Variants in TBC1D14 observed in about 807,000 individuals in gnomAD.
TBC1D14 encodes TBC1 domain family, member 14.
A neutral mutation model predicts 79.0 loss-of-function variants in TBC1D14; 26 were observed. The ratio of observed to expected loss-of-function variants is 0.33; its 90% confidence interval spans 0.24 to 0.46. The LOEUF (loss-of-function observed/expected upper bound fraction) is 0.46. Ranked by LOEUF, TBC1D14 falls within the 20% of genes least tolerant of loss-of-function variation. TBC1D14 has a pLI of 1.00. For missense variants in TBC1D14, 769 were observed against 887.6 expected (o/e 0.87, Z 1.70); for synonymous variants, 394 against 349.9 (o/e 1.13, Z -1.40).
At chr4:7,026,657 G>T (rs1423212153) in intron 13 of TBC1D14, among the ~76,000 whole-genome samples, 1 of 152,172 alleles carries the variant, frequency 6.6e-6, no homozygotes, top group African/African-American at 2.4e-5. Context: ...AGCACTTTGG[G>T]AGGCCAAGGT....
At position 7,030,745 on chromosome 4, in the gene TBC1D14, A is replaced by C. The variant is rs1327978177; in HGVS notation, c.*353A>C. 5.4e-6 allele frequency: 1 copy of C among 186,478 alleles called. No homozygotes were observed. Among genetic ancestry groups the C allele is most frequent in the African/African-American group, 2.3e-5 (1 of 43,186 alleles). The allele number at this position is 186,478 out of a possible 1,614,324, so 11.6% of individuals were successfully genotyped here. ...CTACTGGGAAGTATGTTACAGTCTT[A>C]GCCAGGATGCATGAGAGATGTTATT... is the stretch of plus-strand genomic sequence containing the variant. On this transcript the variant is annotated 3_prime_UTR_variant, in exon 14 of 14. Transcript: ENST00000409757.
At chr4:6,947,325 G>A (rs986641471) in intron 2 of TBC1D14, among the ~76,000 whole-genome samples, 1 of 152,080 alleles carries the variant, frequency 6.6e-6, no homozygotes, top group African/African-American at 2.4e-5. Context: ...GTGAAACCCC[G>A]TCTCCACTAA....
chr4:6,974,244 G>A (rs1322231183), intron 3 of TBC1D14, among the ~76,000 whole-genome samples: 1 of 152,190 alleles, frequency 6.6e-6, no homozygotes, highest in Admixed American at 6.5e-5. Flanking sequence ...GAAAAGGGGA[G>A]CTGATTAGAA....
intron 6 of TBC1D14, among the ~76,000 whole-genome samples, chr4:7,000,438 C>A (rs1719545230): frequency 6.6e-6 from 1 of 152,204 alleles, no homozygotes; most frequent in South Asian, 2.1e-4. Context: ...GAGGAGAGAT[C>A]ATTTGTCCGG....
intron 2 of TBC1D14, among the ~76,000 whole-genome samples, chr4:6,953,619 G>C (rs1220420154): frequency 1.2e-5 from 1 of 85,110 alleles, no homozygotes; most frequent in Non-Finnish European, 2.1e-5. Context: ...GCGACAGCGA[G>C]ACTCCGTCTC....
Position 6,967,378 on chromosome 4 carries a change from C to T in TBC1D14, c.797C>T (p.Ala266Val), listed in dbSNP as rs113945913. 6 of 1,613,938 alleles carry T rather than the reference C, an allele frequency of 3.7e-6. No homozygotes were observed. The highest frequency in any genetic ancestry group is 2.2e-5 in the East Asian group (1 of 44,880). ...NDLGWKLFGK[A>V]PLRENAQKDS... The stretch of plus-strand genomic sequence containing the variant: ...TTGGGATGGAAGTTATTTGGGAAAG[C>T]GCCACTCCGAGAGAATGCCCAGAAG... Residue 266 changes from alanine to valine, a missense_variant, in exon 3 of 14, where the codon GCG becomes GTG. Physicochemically the swap from Ala to Val is moderately conservative, Grantham distance 64. Around this residue, in one of 2 missense-constraint regions of TBC1D14, gnomAD observed 402 missense variants for 393.2 expected, o/e 1.02. Transcript: ENST00000409757.
At chr4:6,938,090 G>A (rs1391449955) in intron 2 of TBC1D14, among the ~76,000 whole-genome samples, 2 of 152,182 alleles carry the variant, frequency 1.3e-5, no homozygotes, top group African/African-American at 4.8e-5. Flanking sequence ...CGTTGTGGTG[G>A]TGGGCGCTAC....
intron 3 of TBC1D14, among the ~76,000 whole-genome samples, chr4:6,976,149 TA>T (rs1716694795): frequency 6.6e-6 from 1 of 152,000 alleles, no homozygotes; most frequent in African/African-American, 2.4e-5. Context: ...AAAATGAGTT[TA>T]AAAAATGAAC....
In TBC1D14 at chr4:7,031,622, G is replaced by T. The variant is rs993074190; in HGVS notation, c.*1230G>T. 1 of 152,224 alleles carries T rather than the reference G, an allele frequency of 6.6e-6. No individual in the cohort carries two copies. The highest frequency in any genetic ancestry group is 1.5e-5 in the Non-Finnish European group (1 of 68,056). 9.4% of individuals were successfully genotyped at this position (152,224 alleles called of 1,614,324 possible). A position where few individuals can be genotyped will look rare whatever the true frequency, so the allele number is the denominator to read the frequency against. On this transcript the variant is annotated 3_prime_UTR_variant, in exon 14 of 14. Transcript: ENST00000409757. ...CAGAAATGAACCGTTTTGCAGCTGC[G>T]CAGTCTAAAGGGCAGGCCAGTGTCT...
intron 3 of TBC1D14, among the ~76,000 whole-genome samples, chr4:6,993,799 C>A (rs1037125372): frequency 6.6e-6 from 1 of 152,170 alleles, no homozygotes; most frequent in Non-Finnish European, 1.5e-5. Flanking sequence ...CACCTGAGGT[C>A]AGGAGTTCAA....
chr4:6,929,601 G>A (rs1019620041), intron 2 of TBC1D14, among the ~76,000 whole-genome samples: 9 of 152,158 alleles, frequency 5.9e-5, no homozygotes, highest in Non-Finnish European at 8.8e-5. Flanking sequence ...AGCATGAGGC[G>A]CTCAGGAGGG....
In TBC1D14 at chr4:6,909,875, G is replaced by C. The variant is rs1459476040; in HGVS notation, c.-94G>C. ...ACCGCGTGCCCGGCGTCCTCGTCGC[G>C]CGAGTTGCCGGTCCCGCGGGGCCTG... On this transcript the variant is annotated 5_prime_UTR_variant, in exon 1 of 14. Coordinates refer to ENST00000409757, the MANE Select transcript of TBC1D14 (RefSeq NM_020773.3). The C allele has an allele frequency of 1.4e-5, 2 of 148,142 alleles. No homozygotes were observed. The highest frequency in any genetic ancestry group is 3.0e-5 in the Non-Finnish European group (2 of 66,390). 9.2% of individuals were successfully genotyped at this position (148,142 alleles called of 1,614,324 possible). A position where few individuals can be genotyped will look rare whatever the true frequency, so the allele number is the denominator to read the frequency against.
Position 6,999,121 on chromosome 4 carries a change from A to C in TBC1D14, c.1082A>C (p.Glu361Ala). 6.2e-7 allele frequency: 1 copy of C among 1,614,190 alleles called. No individual in the cohort carries two copies. Among genetic ancestry groups the C allele is most frequent in the Non-Finnish European group, 8.5e-7 (1 of 1,180,016 alleles). Residue 361 changes from glutamate (E) to alanine (A), a missense_variant, in exon 6 of 14, where the codon GAA becomes GCA. Glu to Ala is a moderately radical substitution (Grantham distance 107). This residue lies in a region of TBC1D14 where 367 missense variants were observed against 494.4 expected (regional missense o/e 0.74). Coordinates refer to ENST00000409757, the MANE Select transcript of TBC1D14 (RefSeq NM_020773.3). ...KEAQRRKKQLEERCRVEESIG... is the reference protein window; with the variant it reads ...KEAQRRKKQLAERCRVEESIG... ...GCCCAGCGAAGGAAGAAGCAGCTGG[A>C]AGAAAGATGCAGAGTCGAGGAAAGC...
intron 7 of TBC1D14, among the ~76,000 whole-genome samples, chr4:7,004,212 G>A (rs774591700): frequency 1.3e-5 from 2 of 152,216 alleles, no homozygotes; most frequent in Admixed American, 6.5e-5. Flanking sequence ...GAAGAGAGCT[G>A]TCACAAAAAT....
intron 2 of TBC1D14, among the ~76,000 whole-genome samples, chr4:6,934,800 G>A (rs538600479): frequency 2.0e-5 from 3 of 152,282 alleles, no homozygotes; most frequent in South Asian, 2.1e-4. Flanking sequence ...GAATGGGGCC[G>A]GCATGGTGGC....
chr4:6,959,030 C>T (rs1313349667), intron 2 of TBC1D14, among the ~76,000 whole-genome samples: 1 of 152,176 alleles, frequency 6.6e-6, no homozygotes, highest in Non-Finnish European at 1.5e-5. Flanking sequence ...ACTACAGGCG[C>T]CTGCCACTAC....
intron 1 of TBC1D14, among the ~76,000 whole-genome samples, chr4:6,919,052 G>A (rs1723622321): frequency 2.6e-5 from 4 of 152,190 alleles, no homozygotes; most frequent in African/African-American, 4.8e-5. Context: ...GTGTTCACGC[G>A]TAGGGAGGCG....
At chr4:6,926,361 G>GTGTA (rs1208388654) in intron 2 of TBC1D14, among the ~76,000 whole-genome samples, 7 of 152,196 alleles carry the variant, frequency 4.6e-5, no homozygotes. Flanking sequence ...TGACTGAGCT[G>GTGTA]TGTATATTGG....
intron 6 of TBC1D14, among the ~76,000 whole-genome samples, chr4:7,000,064 A>C (rs971471105): frequency 3.9e-5 from 6 of 152,176 alleles, no homozygotes; most frequent in African/African-American, 1.4e-4. Flanking sequence ...GGCCCTGCTC[A>C]GGGTCTCCAC....
Sources: allele counts gnomAD v4.1 joint callset (sites outside exome capture counted in the v4.1 genomes callset), GRCh38; gene constraint gnomAD v4.1.1; regional missense constraint gnomAD v4.1.1; transcripts MANE v1.5; gene names NCBI Gene and HGNC (gene_info 2026-07-23, HGNC 2026-07-21).